Variants in STC1 observed in about 807,000 individuals in gnomAD.
STC1 encodes stanniocalcin-1.
Under a neutral mutation model 22.6 loss-of-function variants are expected in STC1, and 7 were observed. That is an observed-to-expected ratio of 0.31 (90% CI 0.18 to 0.58). The LOEUF (loss-of-function observed/expected upper bound fraction) is 0.58, where lower values mean the gene tolerates loss of function less well. Ranked by LOEUF, STC1 falls within the 20% of genes least tolerant of loss-of-function variation. STC1 has a pLI of 0.89. For missense variants in STC1, 224 were observed against 311.0 expected (o/e 0.72, Z 2.10); for synonymous variants, 113 against 120.7 (o/e 0.94, Z 0.42).
Position 23,852,336 on chromosome 8 carries a change from G to C in STC1, c.167C>G (p.Ala56Gly), listed in dbSNP as rs570073385. 1 of 1,613,536 alleles carries C rather than the reference G, an allele frequency of 6.2e-7. No individual in the cohort carries two copies. The highest frequency in any genetic ancestry group is 8.5e-7 in the Non-Finnish European group (1 of 1,179,718). The change falls in exon 2 of 4, where the codon GCT becomes GGT. Residue 56 changes from alanine to glycine, a missense_variant. Physicochemically the swap from Ala to Gly is moderately conservative, Grantham distance 60 (BLOSUM62 0). Transcript: ENST00000290271. Reference sequence around the variant, plus strand: ...GGTGGAGTTTTCCAGGCATGCAAAAGCCCCGCAGCCGACCTGTAGAGCACT... The same window carrying C: ...GGTGGAGTTTTCCAGGCATGCAAAACCCCCGCAGCCGACCTGTAGAGCACT... Reference protein sequence around the residue: ...LNSALQVGCGAFACLENSTCD... With the variant: ...LNSALQVGCGGFACLENSTCD...
At chr8:23,854,053 C>G in intron 1 of STC1, 2 of 1,075,018 alleles carry the variant, frequency 1.9e-6, no homozygotes, top group Non-Finnish European at 2.3e-6. Context: ...TACCTTAGAT[C>G]AGCTTCTGGA....
intron 3 of STC1, among the ~76,000 whole-genome samples, chr8:23,848,629 T>G (rs1802601292): frequency 6.6e-6 from 1 of 151,246 alleles, no homozygotes; most frequent in Non-Finnish European, 1.5e-5. Flanking sequence ...GTGGACTAAG[T>G]GTTCTGATCA....
intron 1 of STC1, among the ~76,000 whole-genome samples, chr8:23,853,124 C>T (rs1268766382): frequency 1.3e-5 from 2 of 152,102 alleles, no homozygotes; most frequent in Non-Finnish European, 2.9e-5. Flanking sequence ...GGAAGAAAAC[C>T]GCAAAAAACT....
chr8:23,846,274 A>T (rs1450143029), intron 3 of STC1, among the ~76,000 whole-genome samples: 1 of 152,196 alleles, frequency 6.6e-6, no homozygotes, highest in Non-Finnish European at 1.5e-5. Flanking sequence ...AGGGCATATC[A>T]ATGACTTGTC....
At chr8:23,848,521 T>A (rs1281161569) in intron 3 of STC1, among the ~76,000 whole-genome samples, 18 of 103,646 alleles carry the variant, frequency 1.7e-4, no homozygotes. Context: ...AACAGAGCGA[T>A]ACTCTGTCAA....
At position 23,854,753 on chromosome 8, in the gene STC1, TGC is replaced by T; in HGVS notation, c.-232_-231del. 1 of 519,840 alleles carries T rather than the reference TGC, an allele frequency of 1.9e-6. No homozygotes were observed. The allele number at this position is 519,840 out of a possible 1,614,324, so 32.2% of individuals were successfully genotyped here. On this transcript the variant is annotated 5_prime_UTR_variant, in exon 1 of 4. Coordinates refer to ENST00000290271, the MANE Select transcript of STC1 (RefSeq NM_003155.3). ...CTGCTGCTGCTGCTGCCACCGCCGC[TGC>T]TGCTGCTGCTGCTGCAGTCGCTGCT...
At chr8:23,850,492 T>G (rs765134619) in intron 3 of STC1, among the ~76,000 whole-genome samples, 3 of 152,206 alleles carry the variant, frequency 2.0e-5, no homozygotes, top group Non-Finnish European at 4.4e-5. Context: ...TGGCATCTCT[T>G]AGTTCTTGCT....
At position 23,854,426 on chromosome 8, in the gene STC1, C is replaced by T. The variant is rs759249361; in HGVS notation, c.98G>A (p.Arg33Gln). Residue 33 changes from arginine to glutamine, a missense_variant, in exon 1 of 4, where the codon CGA becomes CAA. Physicochemically the swap from Arg to Gln is conservative, Grantham distance 43. Transcript: ENST00000290271. ...CTTACCTGAGTTTTGAGCCGCCACT[C>T]GGGATTTCCTGGGGCTCACAGAGTC... ...QNDSVSPRKS[R>Q]VAAQNSAEVV... The T allele has an allele frequency of 6.2e-7, 1 of 1,614,148 alleles. No homozygotes were observed. The highest frequency in any genetic ancestry group is 8.5e-7 in the Non-Finnish European group (1 of 1,180,018).
At chr8:23,853,038 A>AGAAC (rs1221941388) in intron 1 of STC1, among the ~76,000 whole-genome samples, 1 of 150,842 alleles carries the variant, frequency 6.6e-6, no homozygotes, top group East Asian at 1.9e-4. Context: ...CTTTTAAAAA[A>AGAAC]GAAAGAAAGA....
rs1041468827 is a variant in STC1, at chr8:23,843,557, T to A, written c.*1213A>T. On this transcript the variant is annotated 3_prime_UTR_variant, in exon 4 of 4. Transcript: ENST00000290271. Reference sequence around the variant, plus strand: ...CATTTGCCAGAGTACCAGGCACCGATGAAAGGGGACGAGTAAAGAACTGCC... The same window carrying A: ...CATTTGCCAGAGTACCAGGCACCGAAGAAAGGGGACGAGTAAAGAACTGCC... 4 of 152,650 alleles carry A rather than the reference T, an allele frequency of 2.6e-5. No individual in the cohort carries two copies. Among genetic ancestry groups the A allele is most frequent in the Admixed American group, 6.5e-5 (1 of 15,284 alleles). 9.5% of individuals were successfully genotyped at this position (152,650 alleles called of 1,614,324 possible).
intron 2 of STC1, among the ~76,000 whole-genome samples, chr8:23,851,956 T>C (rs1469283597): frequency 2.6e-5 from 4 of 152,142 alleles, no homozygotes; most frequent in African/African-American, 9.7e-5. Flanking sequence ...TTATTACCCC[T>C]GGCCTTATAA....
Position 23,854,731 on chromosome 8 carries a change from CTGCTGCTGCTGCCACCGCCGCT to C in STC1, c.-230_-209del, listed in dbSNP as rs1463734495. The stretch of plus-strand genomic sequence containing the variant: ...GCTGCTGCTGCTGCTGCCGCCGCTG[CTGCTGCTGCTGCCACCGCCGCT>C]GCTGCTGCTGCTGCTGCAGTCGCTG... On this transcript the variant is annotated 5_prime_UTR_variant, in exon 1 of 4. Coordinates refer to ENST00000290271, the MANE Select transcript of STC1 (RefSeq NM_003155.3). 6.1e-6 allele frequency: 4 copies of C among 658,048 alleles called. No homozygotes were observed. The highest frequency in any genetic ancestry group is 2.2e-5 in the Admixed American group (1 of 46,510). The allele number at this position is 658,048 out of a possible 1,614,324, so 40.8% of individuals were successfully genotyped here.
chr8:23,851,881 G>A lies in STC1; in HGVS notation c.262-350C>T, dbSNP rs150803041. On this transcript the variant is annotated intron_variant, in intron 2 of 3. Transcript: ENST00000290271. ...ATCAAAAGCTAGTATGCTAGGTCAT[G>A]CAGAGAGAACTTCCTTGCTCTATGC... Among the ~76,000 whole-genome samples, 304 of 152,320 alleles carry A rather than the reference G, an allele frequency of 2.0e-3. 2 individuals are homozygous for A. The highest frequency in any genetic ancestry group is 6.8e-3 in the Middle Eastern group (2 of 294).
intron 3 of STC1, 22 bp from the exon 4 acceptor site, chr8:23,845,062 A>T (rs761027898): frequency 3.7e-6 from 6 of 1,610,956 alleles, no homozygotes; most frequent in African/African-American, 1.3e-5. Flanking sequence ...AAGAGAGTGC[A>T]TATGGTGGTC....
In STC1 at chr8:23,843,291, C is replaced by CTCTT. The variant is rs750567685; in HGVS notation, c.*1475_*1478dup. ...TGATCAAACCACCAGCTCTTTTTCC[C>CTCTT]TCTTTCTTTCTTTTTTTTTTCTTTT... On this transcript the variant is annotated 3_prime_UTR_variant, in exon 4 of 4. Transcript: ENST00000290271. 1 of 152,486 alleles carries CTCTT rather than the reference C, an allele frequency of 6.6e-6. No individual in the cohort carries two copies. The highest frequency in any genetic ancestry group is 1.5e-5 in the Non-Finnish European group (1 of 68,014). 9.4% of individuals were successfully genotyped at this position (152,486 alleles called of 1,614,324 possible).
Position 23,842,444 on chromosome 8 carries a change from G to A in STC1, c.*2326C>T, listed in dbSNP as rs578093581. The A allele has an allele frequency of 2.8e-5, 4 of 141,148 alleles. No homozygotes were observed. In the South Asian group the frequency reaches 9.1e-4, roughly 32 times the overall value. 8.7% of individuals were successfully genotyped at this position (141,148 alleles called of 1,614,324 possible). A position where few individuals can be genotyped will look rare whatever the true frequency, so the allele number is the denominator to read the frequency against. ...GATACATATATAGATATCATCGTGG[G>A]GAGAAAAGGGGGGGTACCACGGTTT... On this transcript the variant is annotated 3_prime_UTR_variant, in exon 4 of 4. Coordinates refer to ENST00000290271, the MANE Select transcript of STC1 (RefSeq NM_003155.3).
At chr8:23,846,116 G>C (rs1029225711) in intron 3 of STC1, among the ~76,000 whole-genome samples, 9 of 152,168 alleles carry the variant, frequency 5.9e-5, no homozygotes, top group Non-Finnish European at 1.0e-4. Context: ...ATTCCCAGAA[G>C]AAAACTTATC....
intron 2 of STC1, 90 bp downstream of exon 2, chr8:23,852,152 G>A (rs1211657206): frequency 6.5e-7 from 1 of 1,537,844 alleles, no homozygotes; most frequent in Non-Finnish European, 8.9e-7. Flanking sequence ...AGCAGGGCTG[G>A]TTCCCTACAA....
chr8:23,854,127 C>T lies in STC1; in HGVS notation c.118+279G>A. 3 of 1,255,956 alleles carry T rather than the reference C, an allele frequency of 2.4e-6. No individual in the cohort carries two copies. The South Asian group carries it at 6.5e-5, about 27-fold the overall frequency. 77.8% of individuals were successfully genotyped at this position (1,255,956 alleles called of 1,614,324 possible). Reference sequence around the variant, plus strand: ...CCTTTCCTCCCCTCTCACCCCTCCCCCTCCAAGAGGGTACGTGCCAGATTT... The same window carrying T: ...CCTTTCCTCCCCTCTCACCCCTCCCTCTCCAAGAGGGTACGTGCCAGATTT... On this transcript the variant is annotated intron_variant, in intron 1 of 3. Coordinates refer to ENST00000290271, the MANE Select transcript of STC1 (RefSeq NM_003155.3).
Sources: gnomAD v4.1 joint callset for allele counts (sites outside exome capture counted in the v4.1 genomes callset) on GRCh38, gnomAD v4.1.1 for gene constraint, MANE v1.5 for transcripts, NCBI Gene and HGNC (gene_info 2026-07-23, HGNC 2026-07-21) for gene names.